The following ZNF177 variants were observed in gnomAD, a reference collection of about 807,000 sequenced individuals.
ZNF177 encodes zinc finger protein 177.
A neutral mutation model predicts 19.4 loss-of-function variants in ZNF177; 17 were observed. The ratio of observed to expected loss-of-function variants is 0.87; its 90% CI spans 0.60 to 1.31. ZNF177 has a LOEUF of 1.31. ZNF177 is among the 40% of genes most tolerant of loss of function. The pLI is 0.00. For missense variants in ZNF177, 633 were observed against 561.8 expected, an observed-to-expected ratio of 1.13 and a Z score of -1.28; for synonymous variants, 220 against 188.7, an observed-to-expected ratio of 1.17 and a Z score of -1.36.
intron 3 of ZNF177, 72 bp from the exon 6 acceptor site, chr19:9,379,455 T>G: frequency 6.5e-7 from 1 of 1,534,790 alleles, no homozygotes; most frequent in South Asian, 1.2e-5. Flanking sequence ...AAAGCCAAAG[T>G]ATGGCAATCA....
At chr19:9,378,163 T>G (rs535545676) in intron 1 of ZNF177, 96 bp from the exon 4 acceptor site, 1 of 1,129,898 alleles carries the variant, frequency 8.9e-7, no homozygotes, top group Non-Finnish European at 1.2e-6. Flanking sequence ...ACTCTATGTG[T>G]ATGTTGTTAC....
intron 1 of ZNF177, among the ~76,000 whole-genome samples, chr19:9,377,672 T>C (rs2068130018): frequency 7.0e-6 from 1 of 142,736 alleles, no homozygotes; most frequent in Non-Finnish European, 1.5e-5. Flanking sequence ...AGCTCTGCTA[T>C]AAGATTTGCA....
chr19:9,379,603 A>G, exon 4 of ZNF177: 2 of 1,613,858 alleles, frequency 1.2e-6, no homozygotes, highest in East Asian at 4.5e-5. Flanking sequence ...GAGGAATTTT[A>G]CAAGGTGACT....
At chr19:9,372,992 C>T (rs1444311299), upstream of ZNF177, among the ~76,000 whole-genome samples, 6 of 152,182 alleles carry the variant, frequency 3.9e-5, no homozygotes, top group African/African-American at 7.2e-5. Context: ...AGCTAATTAA[C>T]ATATCCATCC....
chr19:9,363,664 T>G (rs988532890), intron 1 of ZNF177, among the ~76,000 whole-genome samples: 2 of 152,332 alleles, frequency 1.3e-5, no homozygotes, highest in East Asian at 1.9e-4. Context: ...CAGATCCCCC[T>G]CTATGGGACT....
intron 2 of ZNF177, among the ~76,000 whole-genome samples, chr19:9,370,877 T>C (rs997760197): frequency 2.0e-5 from 3 of 152,232 alleles, no homozygotes; most frequent in Non-Finnish European, 4.4e-5. Context: ...TGAATTCTCA[T>C]GTCCTTAACA....
At chr19:9,366,987 T>C (rs933925860) in intron 2 of ZNF177, among the ~76,000 whole-genome samples, 1 of 152,256 alleles carries the variant, frequency 6.6e-6, no homozygotes, top group African/African-American at 2.4e-5. Context: ...TAGAAAAATG[T>C]ACATTCAGAT....
At chr19:9,381,906 G>T in exon 6 of ZNF177, 1 of 1,355,564 alleles carries the variant, frequency 7.4e-7, no homozygotes, top group Non-Finnish European at 9.9e-7. Context: ...CTGTTATACT[G>T]GGACAAACCT....
Position 9,380,134 on chromosome 19 carries a change from AAC to A in ZNF177, c.334_335del (p.Thr112GlyfsTer7). On this transcript the variant is annotated frameshift_variant, in exon 5 of 6. Coordinates refer to ENST00000589262, the Ensembl canonical transcript of ZNF177. LOFTEE classifies it low-confidence loss of function (END_TRUNC). The stretch of plus-strand genomic sequence containing the variant: ...TGGGGGAAAAACATCCAATGGCATA[AAC>A]ACGGTAAGACTTACTAGGAAGTATT... The A allele has an allele frequency of 6.2e-7, 1 of 1,608,882 alleles. No individual in the cohort carries two copies. Among genetic ancestry groups the A allele is most frequent in the Non-Finnish European group, 8.5e-7 (1 of 1,178,866 alleles).
chr19:9,364,251 A>G (rs1050728101), intron 1 of ZNF177, among the ~76,000 whole-genome samples: 3 of 152,218 alleles, frequency 2.0e-5, no homozygotes, highest in Non-Finnish European at 2.9e-5. Context: ...AAGAATATAC[A>G]GATGTTCTCC....
At chr19:9,380,643 T>G in intron 5 of ZNF177, 25 bp from the exon 8 acceptor site, 1 of 1,536,006 alleles carries the variant, frequency 6.5e-7, no homozygotes, top group African/African-American at 1.4e-5. Flanking sequence ...AAGCCTCTAG[T>G]CACCACTTAC....
Position 9,381,328 on chromosome 19 carries a change from ACT to A in ZNF177, c.999_1000del (p.Thr335TrpfsTer6). 2 of 1,614,128 alleles carry A rather than the reference ACT, an allele frequency of 1.2e-6. No homozygotes were observed. The highest frequency in any genetic ancestry group is 8.5e-7 in the Non-Finnish European group (1 of 1,180,032). ...CTCTCATCTGAATGTGCACAAAAGA[ACT>A]CACACTGGAGAGAAACCCTATGACT... On this transcript the variant is annotated frameshift_variant, in exon 6 of 6. Transcript: ENST00000589262. LOFTEE classifies it low-confidence loss of function (END_TRUNC).
rs765715164 is a variant in ZNF177 at position 9,379,662 on chromosome 19, GT to G, written c.253+45del. Reference sequence around the variant, plus strand: ...CAGGGTGCAGCCTTGGCCAGTGAGGGTTAGTACATTTGGGAATGTCACTCAG... The same window carrying G: ...CAGGGTGCAGCCTTGGCCAGTGAGGGTAGTACATTTGGGAATGTCACTCAG... On this transcript the variant is annotated intron_variant, in intron 4 of 5. Coordinates refer to ENST00000589262, the Ensembl canonical transcript of ZNF177. The G allele has an allele frequency of 6.9e-6, 11 of 1,597,878 alleles. No homozygotes were observed. The East Asian group carries it at 2.0e-4, about 29-fold the overall frequency.
At chr19:9,369,412 C>T (rs1490747863) in intron 2 of ZNF177, among the ~76,000 whole-genome samples, 1 of 152,074 alleles carries the variant, frequency 6.6e-6, no homozygotes, top group African/African-American at 2.4e-5. Context: ...ATTAATTTAG[C>T]AAACAAACTT....
chr19:9,363,758 G>A (rs1328784494), intron 1 of ZNF177, among the ~76,000 whole-genome samples: 1 of 152,064 alleles, frequency 6.6e-6, no homozygotes, highest in East Asian at 1.9e-4. Flanking sequence ...GTTTCTTTTG[G>A]ATGTTTACAT....
At chr19:9,375,085 C>G (rs1466929692), upstream of ZNF177, among the ~76,000 whole-genome samples, 1 of 105,444 alleles carries the variant, frequency 9.5e-6, no homozygotes, top group African/African-American at 3.5e-5. Flanking sequence ...TTTTCTTCAT[C>G]TATTCTAATG....
At chr19:9,370,025 A>T (rs555806558) in intron 2 of ZNF177, among the ~76,000 whole-genome samples, 39 of 152,310 alleles carry the variant, frequency 2.6e-4, no homozygotes, top group African/African-American at 8.9e-4. Context: ...TGGGTCTTCC[A>T]GTTCCTATCT....
In ZNF177 at chr19:9,379,622, G is replaced by C. The variant is rs758045326; in HGVS notation, c.253+3G>C. ...AATTTTACAAGGTGACTGTGCAGGT[G>C]AGCCTTGGGCAGAACAGGGTGCAGC... On this transcript the variant is annotated splice_donor_region_variant and intron_variant, in intron 4 of 5. Coordinates refer to ENST00000589262, the Ensembl canonical transcript of ZNF177. 3 of 1,613,294 alleles carry C rather than the reference G, an allele frequency of 1.9e-6. No individual in the cohort carries two copies. The highest frequency in any genetic ancestry group is 2.5e-6 in the Non-Finnish European group (3 of 1,179,706).
intron 2 of ZNF177, among the ~76,000 whole-genome samples, chr19:9,366,143 C>T (rs532528503): frequency 1.2e-4 from 19 of 152,202 alleles, no homozygotes; most frequent in African/African-American, 3.1e-4. Context: ...CCACCACACC[C>T]GGCTAATTTT....
Sources: gnomAD v4.1 joint callset for allele counts (sites outside exome capture counted in the v4.1 genomes callset) on GRCh38, gnomAD v4.1.1 for gene constraint, MANE v1.5 for transcripts, NCBI Gene and HGNC (gene_info 2026-07-23, HGNC 2026-07-21) for gene names.